Variants in EIF3CL observed in about 807,000 individuals in gnomAD.
The protein encoded by EIF3CL is eukaryotic translation initiation factor 3 subunit C-like protein.
For missense variants in EIF3CL, 5 were observed against 56.1 expected, an observed-to-expected ratio of 0.09 and a Z score of 2.91; for synonymous variants, 2 against 19.6, an observed-to-expected ratio of 0.10 and a Z score of 2.37.
chr16:28,413,711 AG>A, the EIF3CL span: 14 of 192,712 alleles, frequency 7.3e-5, 1 homozygote, highest in African/African-American at 1.5e-3. Context: ...AAATGGCCCT[AG>A]GGGGCAGTAC....
At chr16:28,424,027 GC>G in the EIF3CL span, among the ~76,000 whole-genome samples, 1 of 140,076 alleles carries the variant, frequency 7.1e-6, no homozygotes, top group Non-Finnish European at 1.5e-5. Flanking sequence ...TCACTCTGTT[GC>G]CCAGGCTGGA....
At chr16:28,414,587 C>T in the EIF3CL span, 4 of 238,178 alleles carry the variant, frequency 1.7e-5, no homozygotes, top group East Asian at 2.9e-4. Context: ...CGGAAGGGGT[C>T]CCCCGGGTCT....
chr16:28,417,554 A>G, the EIF3CL span, among the ~76,000 whole-genome samples: 1 of 109,444 alleles, frequency 9.1e-6, no homozygotes, highest in African/African-American at 3.3e-5. Flanking sequence ...TGCTGTGTCC[A>G]CTCAGGGTTA....
the EIF3CL span, among the ~76,000 whole-genome samples, chr16:28,416,920 G>A: frequency 2.2e-5 from 2 of 90,348 alleles, no homozygotes; most frequent in East Asian, 3.9e-4. Context: ...CAGCCGCCCC[G>A]TCTGGGAGGT....
Position 28,386,806 on chromosome 16 carries a change from CCCCCTAAAAGATACACACACAA to C in EIF3CL, c.1821+1230_1821+1251del, listed in dbSNP as rs757159881. On this transcript the variant is annotated intron_variant, in intron 15 of 20. Transcript: ENST00000380876. ...CCCCTAAAAGATACACACACACACA[CCCCCTAAAAGATACACACACAA>C]CCCCTAAAAGATACACACACACCCC... Among the ~76,000 whole-genome samples, 249 of 73,028 alleles carry C rather than the reference CCCCCTAAAAGATACACACACAA, an allele frequency of 3.4e-3. 2 individuals are homozygous for C. Among genetic ancestry groups the C allele is most frequent in the Non-Finnish European group, 4.6e-3 (170 of 36,766 alleles). The allele number at this position is 73,028 out of a possible 152,430, so 47.9% of individuals were successfully genotyped here.
the EIF3CL span, among the ~76,000 whole-genome samples, chr16:28,419,548 C>CT: frequency 7.8e-6 from 1 of 127,550 alleles, no homozygotes; most frequent in African/African-American, 3.0e-5. Context: ...GACCATCTAT[C>CT]TTTAAGCCCC....
the EIF3CL span, among the ~76,000 whole-genome samples, chr16:28,421,848 T>C: frequency 7.2e-6 from 1 of 138,560 alleles, no homozygotes; most frequent in East Asian, 2.2e-4. Flanking sequence ...GATTGGATTT[T>C]TCTCTTGCTA....
chr16:28,414,767 G>A, the EIF3CL span: 1 of 430,682 alleles, frequency 2.3e-6, no homozygotes, highest in Admixed American at 3.0e-5. Context: ...AAGCAGCTTG[G>A]CCCTGGTGGC....
chr16:28,416,921 T>C, the EIF3CL span, among the ~76,000 whole-genome samples: 1 of 84,076 alleles, frequency 1.2e-5, no homozygotes, highest in Non-Finnish European at 2.4e-5. Flanking sequence ...AGCCGCCCCG[T>C]CTGGGAGGTG....
At chr16:28,417,197 G>A in the EIF3CL span, among the ~76,000 whole-genome samples, 7 of 147,826 alleles carry the variant, frequency 4.7e-5, no homozygotes, top group South Asian at 8.4e-4. Context: ...AGGTGGGGGG[G>A]GTCAGCCCCC....
chr16:28,387,759 C>CTT (rs548190992), intron 15 of EIF3CL, among the ~76,000 whole-genome samples: 1 of 121,462 alleles, frequency 8.2e-6, no homozygotes, highest in Admixed American at 8.3e-5. Context: ...CCAGACACAG[C>CTT]TTTTTTTTTT....
the EIF3CL span, among the ~76,000 whole-genome samples, chr16:28,415,925 T>C: frequency 2.2e-5 from 2 of 90,610 alleles, no homozygotes; most frequent in Non-Finnish European, 4.5e-5. Flanking sequence ...TGGACTGTAG[T>C]GCTGCCATCT....
At chr16:28,421,701 A>G in the EIF3CL span, among the ~76,000 whole-genome samples, 2 of 51,630 alleles carry the variant, frequency 3.9e-5, no homozygotes, top group East Asian at 7.8e-4. Flanking sequence ...TGTGCCTGTA[A>G]TTCCAGCTAC....
At chr16:28,416,791 G>A in the EIF3CL span, among the ~76,000 whole-genome samples, 16 of 91,196 alleles carry the variant, frequency 1.8e-4, no homozygotes, top group Middle Eastern at 5.2e-3. Context: ...CAGCCGCCCC[G>A]TCCGGGAGGT....
At chr16:28,415,819 TCTCCC>T in the EIF3CL span, among the ~76,000 whole-genome samples, 3 of 68,926 alleles carry the variant, frequency 4.4e-5, no homozygotes, top group African/African-American at 1.5e-4. Flanking sequence ...TCCCTCTTCC[TCTCCC>T]TCTCCCTCTC....
the EIF3CL span, among the ~76,000 whole-genome samples, chr16:28,421,853 T>C: frequency 7.3e-6 from 1 of 136,956 alleles, no homozygotes; most frequent in Non-Finnish European, 1.6e-5. Flanking sequence ...GATTTTTCTC[T>C]TGCTATCTGC....
the EIF3CL span, chr16:28,415,154 G>C: frequency 3.3e-6 from 1 of 300,532 alleles, no homozygotes; most frequent in South Asian, 2.2e-5. Flanking sequence ...GGCCTGCCAG[G>C]CCTTCCCTGC....
At chr16:28,417,838 A>C in the EIF3CL span, among the ~76,000 whole-genome samples, 3 of 148,734 alleles carry the variant, frequency 2.0e-5, no homozygotes, top group Non-Finnish European at 3.0e-5. Context: ...AAAAAAAAAA[A>C]AAAAACTCAA....
the EIF3CL span, among the ~76,000 whole-genome samples, chr16:28,415,221 TC>T: frequency 3.2e-5 from 3 of 94,458 alleles, no homozygotes; most frequent in Non-Finnish European, 6.2e-5. Flanking sequence ...CATTCAAGTC[TC>T]TGCTTTGAGT....
Sources: gnomAD v4.1 joint callset for allele counts (sites outside exome capture counted in the v4.1 genomes callset) on GRCh38, gnomAD v4.1.1 for gene constraint, MANE v1.5 for transcripts, NCBI Gene and HGNC (gene_info 2026-07-23, HGNC 2026-07-21) for gene names.